The following ZNF600 variants were observed in gnomAD, a reference collection of about 807,000 sequenced individuals.
The protein encoded by ZNF600 is zinc finger protein 600, also known as zinc finger protein KR-ZNF1.
Under a neutral mutation model 7.3 loss-of-function variants are expected in ZNF600, and 4 were observed. That is an observed-to-expected ratio of 0.55 (90% CI 0.27 to 1.25). The LOEUF (loss-of-function observed/expected upper bound fraction) is 1.25, where lower values mean the gene tolerates loss of function less well. Ranked by LOEUF, ZNF600 falls within the 50% of genes most tolerant of loss-of-function variation. ZNF600 has a pLI of 0.12. For synonymous variants in ZNF600, 290 were observed against 308.9 expected, an observed-to-expected ratio of 0.94 and a Z score of 0.64; for missense variants, 911 against 922.1, an observed-to-expected ratio of 0.99 and a Z score of 0.16.
chr19:52,772,702 C>A (rs1038111112), intron 3 of ZNF600, among the ~76,000 whole-genome samples: 3 of 152,098 alleles, frequency 2.0e-5, no homozygotes, highest in African/African-American at 7.2e-5. Flanking sequence ...TGGACATGAC[C>A]CCAGTTTGCA....
rs553938878 is a variant in ZNF600 at position 52,776,646 on chromosome 19, G to A, written c.64-1945C>T. 4.1e-4 allele frequency among the ~76,000 whole-genome samples: 62 copies of A among 152,106 alleles called. 1 individual carries two copies. The highest frequency in any genetic ancestry group is 2.5e-3 in the South Asian group (12 of 4,824). On this transcript the variant is annotated intron_variant, in intron 2 of 3. Transcript: ENST00000648973. ...AGGCTGGTCTCGAACTCCTGACATCGTGATCTACCTGCCTCAGCCTTCCAA... is the reference window on the plus strand; with the variant it reads ...AGGCTGGTCTCGAACTCCTGACATCATGATCTACCTGCCTCAGCCTTCCAA...
the ZNF600 span, among the ~76,000 whole-genome samples, chr19:52,795,682 T>A: frequency 3.3e-5 from 5 of 152,130 alleles, no homozygotes; most frequent in African/African-American, 1.2e-4. Context: ...TTCTCCTGCC[T>A]CAGCCTCCTG....
the ZNF600 span, among the ~76,000 whole-genome samples, chr19:52,806,590 C>T: frequency 1.3e-5 from 2 of 151,564 alleles, no homozygotes; most frequent in African/African-American, 4.9e-5. Flanking sequence ...TAAAGAACTA[C>T]AAGACAAAAC....
chr19:52,786,174 C>T (rs909374651), intron 1 of ZNF600, among the ~76,000 whole-genome samples: 5 of 147,396 alleles, frequency 3.4e-5, no homozygotes, highest in Non-Finnish European at 7.5e-5. Context: ...CAGGAAAGAA[C>T]ACCTGGTATC....
chr19:52,764,989 G>A, exon 4 of ZNF600: 1 of 219,562 alleles, frequency 4.6e-6, no homozygotes, highest in Non-Finnish European at 9.3e-6. Context: ...ATGTGCCTTG[G>A]CCTCCAACCG....
rs577698740 is a variant in ZNF600 at position 52,780,158 on chromosome 19, T to C, written c.-19-1251A>G. On this transcript the variant is annotated intron_variant, in intron 1 of 3. Transcript: ENST00000648973. ...ACCAAATCAATGTACTTCTTACATATATTGATTGATGTCTCATGTCTCCAT... is the reference window on the plus strand; with the variant it reads ...ACCAAATCAATGTACTTCTTACATACATTGATTGATGTCTCATGTCTCCAT... Among the ~76,000 whole-genome samples the C allele has an allele frequency of 2.4e-3, 371 of 152,298 alleles. 3 individuals carry two copies. Among genetic ancestry groups the C allele is most frequent in the African/African-American group, 8.7e-3 (361 of 41,554 alleles).
exon 4 of ZNF600, chr19:52,766,312 G>A (rs2062576111): frequency 2.5e-6 from 4 of 1,612,964 alleles, no homozygotes; most frequent in African/African-American, 1.3e-5. Flanking sequence ...AGATAGGAAT[G>A]ACACGCAAAA....
At chr19:52,831,571 C>G in the ZNF600 span, among the ~76,000 whole-genome samples, 1 of 151,808 alleles carries the variant, frequency 6.6e-6, no homozygotes, top group African/African-American at 2.4e-5. Context: ...GGTGCGATCT[C>G]GGCTCACTGC....
chr19:52,797,792 C>A, the ZNF600 span: 2 of 152,090 alleles, frequency 1.3e-5, no homozygotes, highest in Admixed American at 6.5e-5. Context: ...AGATTCAACA[C>A]AATACTCATA....
intron 1 of ZNF600, among the ~76,000 whole-genome samples, chr19:52,786,357 G>C (rs972238954): frequency 2.6e-5 from 4 of 152,198 alleles, no homozygotes; most frequent in African/African-American, 9.6e-5. Context: ...CGGGGCTGGG[G>C]CCGGGGCGCC....
the ZNF600 span, among the ~76,000 whole-genome samples, chr19:52,813,382 G>GGGAT: frequency 6.6e-6 from 1 of 151,832 alleles, no homozygotes; most frequent in East Asian, 1.9e-4. Context: ...ATTCACTCTG[G>GGGAT]GGATTCGCCA....
upstream of ZNF600, chr19:52,786,868 A>G (rs1482794693): frequency 4.7e-6 from 1 of 214,180 alleles, no homozygotes; most frequent in East Asian, 1.3e-4. Context: ...CTTGCCCTTT[A>G]GAACCGGCAG....
chr19:52,782,661 C>T (rs961069334), intron 1 of ZNF600, among the ~76,000 whole-genome samples: 1 of 152,182 alleles, frequency 6.6e-6, no homozygotes, highest in Non-Finnish European at 1.5e-5. Context: ...ATTACGAGGT[C>T]ATGAATTCAA....
At chr19:52,809,547 C>A in the ZNF600 span, among the ~76,000 whole-genome samples, 1 of 152,158 alleles carries the variant, frequency 6.6e-6, no homozygotes, top group Non-Finnish European at 1.5e-5. Context: ...GTGGCTCACG[C>A]CTGTAATCCC....
In ZNF600 at chr19:52,765,664, C is replaced by T. The variant is rs376398334; in HGVS notation, c.2299G>A (p.Glu767Lys). ...TGCTTGCTAAAGGCTTTGCCACACT[C>T]ATTACACTTGTAAGGTTTCTCTCCA... is the stretch of plus-strand genomic sequence containing the variant. The change falls in exon 4 of 4, where the codon GAG becomes AAG. Residue 767 changes from glutamate (E) to lysine (K), a missense_variant. Physicochemically the swap from Glu to Lys is moderately conservative, Grantham distance 56. Coordinates refer to ENST00000648973, the Ensembl canonical transcript of ZNF600. The T allele has an allele frequency of 2.5e-5, 40 of 1,614,036 alleles. No individual in the cohort carries two copies. The African/African-American group carries it at 3.2e-4, about 13-fold the overall frequency.
the ZNF600 span, among the ~76,000 whole-genome samples, chr19:52,809,234 G>A: frequency 6.6e-6 from 1 of 152,146 alleles, no homozygotes; most frequent in Non-Finnish European, 1.5e-5. Context: ...CTGGAGGAAT[G>A]TTCAGATATC....
At chr19:52,802,686 A>C in the ZNF600 span, among the ~76,000 whole-genome samples, 8 of 152,144 alleles carry the variant, frequency 5.3e-5, no homozygotes, top group Admixed American at 4.6e-4. Context: ...CAAAAAAAGG[A>C]AAATGTTAAT....
the ZNF600 span, among the ~76,000 whole-genome samples, chr19:52,807,042 A>G: frequency 1.3e-5 from 2 of 152,098 alleles, no homozygotes; most frequent in Non-Finnish European, 2.9e-5. Flanking sequence ...TTCCCCACAC[A>G]CTATTTGAAG....
the ZNF600 span, chr19:52,798,592 C>T: frequency 4.2e-6 from 2 of 478,482 alleles, no homozygotes; most frequent in Admixed American, 4.7e-5. Context: ...TTGCCACAAT[C>T]ATCACACTTG....
Sources: allele counts gnomAD v4.1 joint callset (sites outside exome capture counted in the v4.1 genomes callset), GRCh38; gene constraint gnomAD v4.1.1; transcripts MANE v1.5; gene names NCBI Gene and HGNC (gene_info 2026-07-23, HGNC 2026-07-21).